HCN1: variants seen among roughly 807,000 people sequenced by gnomAD.
HCN1 encodes the protein hyperpolarization activated cyclic nucleotide gated potassium channel 1, also known as potassium/sodium hyperpolarization-activated cyclic nucleotide-gated channel 1.
In HCN1, 13 loss-of-function variants were observed where a neutral mutation model predicts 78.9. The ratio of observed to expected loss-of-function variants is 0.16; its 90% confidence interval spans 0.11 to 0.26. The LOEUF (loss-of-function observed/expected upper bound fraction) is 0.26, where lower values mean the gene tolerates loss of function less well. Among genes scored for constraint, HCN1 ranks in the 10% least tolerant of loss-of-function variants. The probability of loss-of-function intolerance (pLI) is 1.00; values close to 1 mark genes in which losing one functional copy is unlikely to be tolerated. For missense variants in HCN1, 810 were observed against 1,154.3 expected (o/e 0.70, Z 4.32); for synonymous variants, 552 against 455.5 (o/e 1.21, Z -2.70).
Position 45,590,262 on chromosome 5 carries a change from A to G in HCN1, c.849+54923T>C, listed in dbSNP as rs578081652. Among the ~76,000 whole-genome samples the G allele has an allele frequency of 7.2e-5, 11 of 152,304 alleles. No homozygotes were observed. The South Asian group carries it at 2.3e-3, about 32-fold the overall frequency. ...TTCCTTTCATATTAGGTAGAATAAT[A>G]CATCAGGAAAACAGTCCAAAAATGT... is the stretch of plus-strand genomic sequence containing the variant. On this transcript the variant is annotated intron_variant, in intron 2 of 7. Transcript: ENST00000303230.
intron 2 of HCN1, among the ~76,000 whole-genome samples, chr5:45,608,357 A>AGGTGTATG (rs763802867): frequency 7.1e-6 from 1 of 140,412 alleles, no homozygotes; most frequent in Non-Finnish European, 1.6e-5. Flanking sequence ...GGATGGGTGT[A>AGGTGTATG]TGTGTGTGTG....
At chr5:45,372,294 T>A (rs1424090314) in intron 4 of HCN1, among the ~76,000 whole-genome samples, 1 of 93,586 alleles carries the variant, frequency 1.1e-5, no homozygotes. Context: ...ATATATTTCA[T>A]ATATAATATA....
rs1481450007 is a variant in HCN1, at chr5:45,593,316, TCTCTCC to T, written c.849+51863_849+51868del. On this transcript the variant is annotated intron_variant, in intron 2 of 7. Transcript: ENST00000303230. ...TTCTCTCTCTCTCTCTCTCTCTCTC[TCTCTCC>T]CTCTCTCTCTCTCTCTCTCACACAC... 1.5e-3 allele frequency among the ~76,000 whole-genome samples: 70 copies of T among 45,374 alleles called. 1 individual carries two copies. The East Asian group carries it at 0.064, about 42-fold the overall frequency. The allele number at this position is 45,374 out of a possible 152,430, so 29.8% of individuals were successfully genotyped here. A position where few individuals can be genotyped will look rare whatever the true frequency, so the allele number is the denominator to read the frequency against.
At chr5:45,476,885 CAGGCTATGTGGATA>C (rs1741528713) in intron 2 of HCN1, among the ~76,000 whole-genome samples, 1 of 152,096 alleles carries the variant, frequency 6.6e-6, no homozygotes, top group Non-Finnish European at 1.5e-5. Flanking sequence ...AAGTTACCTT[CAGGCTATGTGGATA>C]AGGCTAAGTA....
chr5:45,336,528 A>G (rs1746459580), intron 5 of HCN1, among the ~76,000 whole-genome samples: 1 of 152,078 alleles, frequency 6.6e-6, no homozygotes, highest in African/African-American at 2.4e-5. Flanking sequence ...TGCCACTGTG[A>G]ATCTTCTATA....
intron 1 of HCN1, among the ~76,000 whole-genome samples, chr5:45,692,497 A>G (rs906236949): frequency 3.6e-4 from 55 of 152,198 alleles, no homozygotes; most frequent in African/African-American, 1.3e-3. Flanking sequence ...AAACAAAAAC[A>G]TGAGCTTGTT....
intron 4 of HCN1, among the ~76,000 whole-genome samples, chr5:45,395,697 T>C (rs1320681078): frequency 6.6e-6 from 1 of 152,182 alleles, no homozygotes; most frequent in African/African-American, 2.4e-5. Context: ...CATGACTCTG[T>C]CAGGATCAAC....
At chr5:45,591,998 T>G (rs1744374865) in intron 2 of HCN1, among the ~76,000 whole-genome samples, 1 of 152,016 alleles carries the variant, frequency 6.6e-6, no homozygotes, top group Non-Finnish European at 1.5e-5. Flanking sequence ...ATAGATTATT[T>G]TTTTTTTTGC....
intron 3 of HCN1, among the ~76,000 whole-genome samples, chr5:45,431,127 A>G (rs1427283829): frequency 1.3e-5 from 2 of 152,120 alleles, no homozygotes; most frequent in Non-Finnish European, 2.9e-5. Flanking sequence ...TTTTACTAGT[A>G]GCCATTCTGA....
chr5:45,482,015 T>A (rs953737202), intron 2 of HCN1, among the ~76,000 whole-genome samples: 1 of 152,184 alleles, frequency 6.6e-6, no homozygotes, highest in African/African-American at 2.4e-5. Context: ...ATGTGATAGG[T>A]GTTCAGTAAA....
chr5:45,364,689 G>C (rs1004439341), intron 4 of HCN1, among the ~76,000 whole-genome samples: 1 of 152,036 alleles, frequency 6.6e-6, no homozygotes, highest in Non-Finnish European at 1.5e-5. Flanking sequence ...TCATTTGGGA[G>C]TTAATTTTTA....
At chr5:45,359,957 A>T (rs956427857) in intron 4 of HCN1, among the ~76,000 whole-genome samples, 39 of 150,638 alleles carry the variant, frequency 2.6e-4, no homozygotes, top group Admixed American at 1.4e-3. Context: ...ATATATATAT[A>T]TATTTTTTTT....
At chr5:45,412,526 A>G (rs1233082211) in intron 3 of HCN1, among the ~76,000 whole-genome samples, 2 of 152,116 alleles carry the variant, frequency 1.3e-5, no homozygotes, top group African/African-American at 4.8e-5. Flanking sequence ...AAAAAAGACA[A>G]AGAATAACCT....
intron 3 of HCN1, among the ~76,000 whole-genome samples, chr5:45,421,298 G>A (rs1201125223): frequency 1.3e-5 from 2 of 152,164 alleles, no homozygotes; most frequent in Non-Finnish European, 2.9e-5. Flanking sequence ...TCCTGATCTC[G>A]TGATCCACCC....
At chr5:45,582,906 G>A (rs1247777331) in intron 2 of HCN1, among the ~76,000 whole-genome samples, 1 of 152,058 alleles carries the variant, frequency 6.6e-6, no homozygotes, top group Non-Finnish European at 1.5e-5. Flanking sequence ...TTGATGTGCT[G>A]TTGGATTCAG....
In HCN1 at chr5:45,565,659, C is replaced by CA. The variant is rs1373231965; in HGVS notation, c.849+79525dup. 4.0e-5 allele frequency among the ~76,000 whole-genome samples: 6 copies of CA among 151,830 alleles called. No individual in the cohort carries two copies. In the South Asian group the frequency reaches 8.3e-4, roughly 21 times the overall value. On this transcript the variant is annotated intron_variant, in intron 2 of 7. Coordinates refer to ENST00000303230, the MANE Select transcript of HCN1 (RefSeq NM_021072.4). Reference sequence around the variant, plus strand: ...GCAACATAGAGAGACCTCACCTCTACAAAAAAATCAAAAAAATAGCTGGGT... The same window carrying CA: ...GCAACATAGAGAGACCTCACCTCTACAAAAAAAATCAAAAAAATAGCTGGGT...
At chr5:45,574,890 T>C (rs1390953247) in intron 2 of HCN1, 1 of 152,186 alleles carries the variant, frequency 6.6e-6, no homozygotes, top group East Asian at 1.9e-4. Context: ...ACCAAGGCAG[T>C]TACTCCGTTC....
At chr5:45,270,100 A>G (rs527826170) in intron 6 of HCN1, among the ~76,000 whole-genome samples, 1 of 152,340 alleles carries the variant, frequency 6.6e-6, no homozygotes, top group African/African-American at 2.4e-5. Flanking sequence ...TGTGCCCATA[A>G]TACTTTTGTT....
chr5:45,313,652 C>T (rs1356211757), intron 5 of HCN1, among the ~76,000 whole-genome samples: 5 of 152,126 alleles, frequency 3.3e-5, no homozygotes, highest in Non-Finnish European at 7.4e-5. Flanking sequence ...CTAGAACAAC[C>T]AGTGTAGAGA....
Sources: allele counts gnomAD v4.1 joint callset (sites outside exome capture counted in the v4.1 genomes callset), GRCh38; gene constraint gnomAD v4.1.1; transcripts MANE v1.5; gene names NCBI Gene and HGNC (gene_info 2026-07-23, HGNC 2026-07-21).